The following SYTL3 variants were observed in gnomAD, a reference collection of about 807,000 sequenced individuals.
SYTL3 encodes the protein synaptotagmin-like protein 3.
Under a neutral mutation model 82.1 loss-of-function variants are expected in SYTL3, and 88 were observed. That is an observed-to-expected ratio of 1.07 (90% CI 0.90 to 1.28). The LOEUF is 1.28. Among genes scored for constraint, SYTL3 ranks in the 50% most tolerant of loss-of-function variants. The pLI is 0.00. For missense variants in SYTL3, 831 were observed against 757.6 expected, an observed-to-expected ratio of 1.10 and a Z score of -1.14; for synonymous variants, 311 against 289.4, an observed-to-expected ratio of 1.07 and a Z score of -0.76.
chr6:158,660,081 A>G (rs1789182952), intron 2 of SYTL3, among the ~76,000 whole-genome samples: 1 of 152,016 alleles, frequency 6.6e-6, no homozygotes. Context: ...CCTGACCAAC[A>G]TGGTGAAACC....
chr6:158,736,110 G>T (rs187287661), intron 11 of SYTL3, among the ~76,000 whole-genome samples: 657 of 152,338 alleles, frequency 4.3e-3, no homozygotes, highest in Non-Finnish European at 7.1e-3. Context: ...CCCAGCCTTT[G>T]GGAGGCCAGG....
At position 158,760,718 on chromosome 6, in the gene SYTL3, C is replaced by T; in HGVS notation, c.1387C>T (p.Pro463Ser). 1 of 1,614,044 alleles carries T rather than the reference C, an allele frequency of 6.2e-7. No individual in the cohort carries two copies. Residue 463 changes from proline to serine, a missense_variant, in exon 15 of 18, where the codon CCC becomes TCC. Pro to Ser is a moderately conservative substitution (Grantham distance 74). Transcript: ENST00000611299. ...VRAKLVLPSR[P>S]RKLQEAQEGT... ...GGCTAAGCTGGTTCTCCCTTCACGG[C>T]CCAGAAAACTCCAAGAGGCTCAAGA...
rs1223643488 is a variant in SYTL3 at position 158,729,869 on chromosome 6, G to A, written c.855+4232G>A. On this transcript the variant is annotated intron_variant, in intron 11 of 17. Coordinates refer to ENST00000611299, the MANE Select transcript of SYTL3 (RefSeq NM_001242394.2). ...ATATAAGCTACTGCACCCGGCCAAC[G>A]TTTTTTTTTTAAAGTTTCCTTTTTT... 2.3e-5 allele frequency among the ~76,000 whole-genome samples: 3 copies of A among 129,808 alleles called. No homozygotes were observed. In the East Asian group the frequency reaches 6.0e-4, roughly 26 times the overall value. 85.2% of individuals were successfully genotyped at this position (129,808 alleles called of 152,430 possible).
At position 158,760,701 on chromosome 6, in the gene SYTL3, T is replaced by C. The variant is rs529633182; in HGVS notation, c.1370T>C (p.Leu457Pro). 7 of 1,614,148 alleles carry C rather than the reference T, an allele frequency of 4.3e-6. No individual in the cohort carries two copies. The South Asian group carries it at 7.7e-5, about 18-fold the overall frequency. Reference protein sequence around the residue: ...SNGELTVRAKLVLPSRPRKLQ... With the variant: ...SNGELTVRAKPVLPSRPRKLQ... ...GGAGAGCTCACAGTCCGGGCTAAGC[T>C]GGTTCTCCCTTCACGGCCCAGAAAA... Residue 457 changes from leucine (L) to proline (P), a missense_variant, in exon 15 of 18, where the codon CTG becomes CCG. Leu to Pro is a moderately conservative substitution (Grantham distance 98, BLOSUM62 -3). Coordinates refer to ENST00000611299, the MANE Select transcript of SYTL3 (RefSeq NM_001242394.2).
chr6:158,646,104 A>C (rs540872496), upstream of SYTL3, among the ~76,000 whole-genome samples: 28 of 152,370 alleles, frequency 1.8e-4, no homozygotes, highest in East Asian at 5.2e-3. Flanking sequence ...TGCCTGGCAC[A>C]TAATAGCTAC....
chr6:158,719,483 G>A (rs1783819590), intron 10 of SYTL3, among the ~76,000 whole-genome samples: 1 of 152,182 alleles, frequency 6.6e-6, no homozygotes, highest in African/African-American at 2.4e-5. Flanking sequence ...GTGAACTCCT[G>A]GGATCTGGCG....
intron 8 of SYTL3, among the ~76,000 whole-genome samples, chr6:158,711,191 T>A (rs1372848001): frequency 6.6e-6 from 1 of 152,252 alleles, no homozygotes; most frequent in Non-Finnish European, 1.5e-5. Flanking sequence ...AATTAGCTTT[T>A]AAACTTTTAC....
chr6:158,707,269 A>G lies in SYTL3; in HGVS notation c.434A>G (p.Tyr145Cys). The G allele has an allele frequency of 1.2e-6, 2 of 1,613,942 alleles. No individual in the cohort carries two copies. The highest frequency in any genetic ancestry group is 1.7e-6 in the Non-Finnish European group (2 of 1,180,038). ...ETVGGQLLQS[Y>C]QKLSKISVVP... ...GTTGGAGGGCAGCTCTTGCAATCTTATCAGAAGCTGAGGTGAGTGTTACAA... is the reference window on the plus strand; with the variant it reads ...GTTGGAGGGCAGCTCTTGCAATCTTGTCAGAAGCTGAGGTGAGTGTTACAA... Residue 145 changes from tyrosine (Y) to cysteine (C), a missense_variant, in exon 7 of 18, where the codon TAT (tyrosine) becomes TGT (cysteine). Tyr to Cys is a radical substitution (Grantham distance 194, BLOSUM62 -2). Transcript: ENST00000611299.
intron 2 of SYTL3, among the ~76,000 whole-genome samples, chr6:158,652,853 G>A (rs1202837929): frequency 6.6e-6 from 1 of 152,108 alleles, no homozygotes; most frequent in Non-Finnish European, 1.5e-5. Context: ...GTCTTCTAAT[G>A]TGAAGTAGAG....
chr6:158,721,798 A>G (rs909368857), intron 10 of SYTL3, among the ~76,000 whole-genome samples: 8 of 151,790 alleles, frequency 5.3e-5, no homozygotes, highest in Non-Finnish European at 1.2e-4. Flanking sequence ...ACACCTGGCT[A>G]ATTTTTGGAT....
In SYTL3 at chr6:158,672,556, C is replaced by CTT. The variant is rs549428783; in HGVS notation, c.329+6956_329+6957dup. Among the ~76,000 whole-genome samples the CTT allele has an allele frequency of 9.3e-3, 1,169 of 126,126 alleles. 8 individuals are homozygous for CTT. Among genetic ancestry groups the CTT allele is most frequent in the African/African-American group, 0.03 (1,013 of 33,742 alleles). The allele number at this position is 126,126 out of a possible 152,430, so 82.7% of individuals were successfully genotyped here. Reference sequence around the variant, plus strand: ...AAGAAACATACTGGTTTTTTTGTTTCTTTTTTTTTTTTTTGGCAGAGACTG... The same window carrying CTT: ...AAGAAACATACTGGTTTTTTTGTTTCTTTTTTTTTTTTTTTTGGCAGAGACTG... On this transcript the variant is annotated intron_variant, in intron 5 of 17. Transcript: ENST00000611299.
intron 10 of SYTL3, among the ~76,000 whole-genome samples, chr6:158,719,022 G>A (rs1169254740): frequency 2.0e-5 from 3 of 152,124 alleles, no homozygotes; most frequent in Non-Finnish European, 2.9e-5. Flanking sequence ...GAGAGTTCAC[G>A]TCCTGCCTCC....
In SYTL3 at chr6:158,663,353, CA is replaced by C. The variant is rs769350781; in HGVS notation, c.89del (p.Asn30ThrfsTer10). 144 of 1,613,778 alleles carry C rather than the reference CA, an allele frequency of 8.9e-5. No individual in the cohort carries two copies. The East Asian group carries it at 3.2e-3, about 36-fold the overall frequency. On this transcript the variant is annotated frameshift_variant, in exon 4 of 18. Coordinates refer to ENST00000611299, the MANE Select transcript of SYTL3 (RefSeq NM_001242394.2). LOFTEE classifies it high-confidence loss of function. ...LQVLYRDQAV[Q>X]NTEEERTRKL... ...GGTCCTGTACCGAGACCAGGCGGTT[CA>C]AAACACAGAGGAGGAGAGGACACGG...
In SYTL3 at chr6:158,682,983, A is replaced by G. The variant is rs367914530; in HGVS notation, c.388A>G (p.Thr130Ala). The change falls in exon 6 of 18, where the codon ACT becomes GCT. Residue 130 changes from threonine to alanine, a missense_variant. By Grantham distance (58) the Thr-to-Ala change is moderately conservative. Coordinates refer to ENST00000611299, the MANE Select transcript of SYTL3 (RefSeq NM_001242394.2). Reference sequence around the variant, plus strand: ...TGAGGAACGAGCCAAGAAATTTCCAACTGGAGGTAAATGCTCTTTACTTTT... The same window carrying G: ...TGAGGAACGAGCCAAGAAATTTCCAGCTGGAGGTAAATGCTCTTTACTTTT... ...FYEERAKKFPTGGKHETVGGQ... is the reference protein window; with the variant it reads ...FYEERAKKFPAGGKHETVGGQ... The G allele has an allele frequency of 2.3e-5, 37 of 1,608,790 alleles. No homozygotes were observed. The highest frequency in any genetic ancestry group is 5.3e-5 in the African/African-American group (4 of 74,812).
chr6:158,724,403 G>A (rs1256510748), intron 10 of SYTL3, among the ~76,000 whole-genome samples: 1 of 152,128 alleles, frequency 6.6e-6, no homozygotes, highest in Non-Finnish European at 1.5e-5. Context: ...TTATGACTGT[G>A]GGGCAACTGT....
intron 6 of SYTL3, among the ~76,000 whole-genome samples, chr6:158,703,835 A>ATTATTATTT (rs1554254346): frequency 6.8e-6 from 1 of 148,140 alleles, no homozygotes; most frequent in African/African-American, 2.5e-5. Context: ...TATTATTATT[A>ATTATTATTT]TTATTATTAT....
At chr6:158,738,550 C>T (rs1786504123) in intron 11 of SYTL3, among the ~76,000 whole-genome samples, 1 of 152,224 alleles carries the variant, frequency 6.6e-6, no homozygotes, top group African/African-American at 2.4e-5. Context: ...TCAGCCTCTA[C>T]TTACCTGGAC....
At chr6:158,685,546 C>G (rs954889234) in intron 6 of SYTL3, among the ~76,000 whole-genome samples, 1 of 151,126 alleles carries the variant, frequency 6.6e-6, no homozygotes, top group South Asian at 2.1e-4. Context: ...TGACCGGGCC[C>G]GGTGGCTCAC....
At chr6:158,688,486 G>A (rs1011110511) in intron 6 of SYTL3, among the ~76,000 whole-genome samples, 2 of 152,182 alleles carry the variant, frequency 1.3e-5, no homozygotes, top group African/African-American at 4.8e-5. Context: ...CTAGACGCCA[G>A]GCTCAGTGGC....
Sources: gnomAD v4.1 joint callset for allele counts (sites outside exome capture counted in the v4.1 genomes callset) on GRCh38, gnomAD v4.1.1 for gene constraint, MANE v1.5 for transcripts, NCBI Gene and HGNC (gene_info 2026-07-23, HGNC 2026-07-21) for gene names.